The following PLCH1 variants were observed in gnomAD, a reference collection of about 807,000 sequenced individuals.
PLCH1 encodes 1-phosphatidylinositol 4,5-bisphosphate phosphodiesterase eta-1.
A neutral mutation model predicts 126.7 loss-of-function variants in PLCH1; 60 were observed. That is an observed-to-expected ratio of 0.47 (90% confidence interval 0.38 to 0.59). PLCH1 has a LOEUF of 0.59. Among genes scored for constraint, PLCH1 ranks in the 20% least tolerant of loss-of-function variants. The pLI is 0.00. For missense variants in PLCH1, 1,723 were observed against 2,040.0 expected (o/e 0.84, Z 2.99); for synonymous variants, 719 against 734.9 (o/e 0.98, Z 0.35).
At chr3:155,530,185 G>A (rs533975645) in intron 10 of PLCH1, among the ~76,000 whole-genome samples, 1 of 152,306 alleles carries the variant, frequency 6.6e-6, no homozygotes, top group South Asian at 2.1e-4. Flanking sequence ...CAAAATTGGA[G>A]TAAATGCTCT....
At chr3:155,575,807 C>A (rs1729864885) in intron 6 of PLCH1, among the ~76,000 whole-genome samples, 1 of 152,074 alleles carries the variant, frequency 6.6e-6, no homozygotes, top group African/African-American at 2.4e-5. Context: ...AGGGCAAGCA[C>A]CACCACACCC....
At chr3:155,477,361 C>G (rs1713587668), downstream of PLCH1, among the ~76,000 whole-genome samples, 1 of 151,936 alleles carries the variant, frequency 6.6e-6, no homozygotes, top group Non-Finnish European at 1.5e-5. Flanking sequence ...GAAATACCCA[C>G]AAGCACGGGC....
At chr3:155,539,983 A>G (rs923653064) in intron 10 of PLCH1, among the ~76,000 whole-genome samples, 2 of 151,792 alleles carry the variant, frequency 1.3e-5, no homozygotes, top group South Asian at 2.1e-4. Flanking sequence ...ACCTGACTTC[A>G]AAGTATAATA....
At chr3:155,741,712 GA>G (rs1392993130) in intron 1 of PLCH1, among the ~76,000 whole-genome samples, 3 of 67,598 alleles carry the variant, frequency 4.4e-5, no homozygotes, top group African/African-American at 3.5e-4. Context: ...TTTGTTCAGG[GA>G]AAAAATAGTT....
intron 2 of PLCH1, among the ~76,000 whole-genome samples, chr3:155,654,913 C>T (rs973630611): frequency 2.6e-5 from 4 of 152,182 alleles, no homozygotes; most frequent in Non-Finnish European, 5.9e-5. Flanking sequence ...TTCTCTGACT[C>T]ATCTTCTACC....
intron 10 of PLCH1, among the ~76,000 whole-genome samples, chr3:155,544,866 T>A (rs1195663784): frequency 6.6e-6 from 1 of 150,884 alleles, no homozygotes. Context: ...CATACCAGAA[T>A]CTCTGGGACA....
intron 2 of PLCH1, among the ~76,000 whole-genome samples, chr3:155,700,683 A>G (rs148082093): frequency 1.8e-3 from 281 of 152,374 alleles, no homozygotes; most frequent in African/African-American, 6.6e-3. Flanking sequence ...GCTTATGTGC[A>G]TAAGAAATTG....
intron 10 of PLCH1, among the ~76,000 whole-genome samples, chr3:155,530,444 G>A (rs991310333): frequency 1.3e-5 from 2 of 151,768 alleles, no homozygotes; most frequent in Admixed American, 6.6e-5. Context: ...AGCCTCCTGA[G>A]TAGCTGGGAC....
intron 1 of PLCH1, among the ~76,000 whole-genome samples, chr3:155,713,403 G>A (rs1173597178): frequency 6.6e-6 from 1 of 152,162 alleles, no homozygotes; most frequent in African/African-American, 2.4e-5. Context: ...GATGGTGGAT[G>A]GCTACTTTGA....
chr3:155,634,666 G>A (rs1246604684), intron 2 of PLCH1, among the ~76,000 whole-genome samples: 3 of 152,204 alleles, frequency 2.0e-5, no homozygotes, highest in Non-Finnish European at 4.4e-5. Context: ...CAGAACTGCT[G>A]CTTAAGTAAG....
At chr3:155,698,061 T>G (rs1289583927) in intron 2 of PLCH1, among the ~76,000 whole-genome samples, 1 of 151,988 alleles carries the variant, frequency 6.6e-6, no homozygotes, top group Admixed American at 6.6e-5. Context: ...CTTAATGAAT[T>G]TGAGATTAAA....
At chr3:155,686,193 A>C (rs1209546877) in intron 2 of PLCH1, among the ~76,000 whole-genome samples, 2 of 152,130 alleles carry the variant, frequency 1.3e-5, no homozygotes, top group African/African-American at 2.4e-5. Flanking sequence ...AACTGGATAA[A>C]AGTTAACATA....
At chr3:155,734,217 G>A (rs749110679) in intron 1 of PLCH1, among the ~76,000 whole-genome samples, 5 of 151,926 alleles carry the variant, frequency 3.3e-5, no homozygotes, top group African/African-American at 4.8e-5. Flanking sequence ...CCAAGACTTC[G>A]GGAGGCCAAG....
At chr3:155,721,559 T>C (rs1747947238) in intron 1 of PLCH1, among the ~76,000 whole-genome samples, 1 of 152,230 alleles carries the variant, frequency 6.6e-6, no homozygotes, top group Admixed American at 6.5e-5. Context: ...TACATTAATT[T>C]TGTATCCTGA....
chr3:155,504,424 A>C (rs1205534235), intron 13 of PLCH1, 131 bp downstream of exon 13: 5 of 561,362 alleles, frequency 8.9e-6, no homozygotes, highest in South Asian at 5.8e-5. Flanking sequence ...TTTAAATATC[A>C]ATCTTTTCCT....
chr3:155,719,200 T>C (rs1490450616), intron 1 of PLCH1, among the ~76,000 whole-genome samples: 2 of 152,146 alleles, frequency 1.3e-5, no homozygotes, highest in Non-Finnish European at 2.9e-5. Context: ...CCAAAGTCCA[T>C]AGTATCATTC....
At chr3:155,542,918 T>C (rs966047053) in intron 10 of PLCH1, among the ~76,000 whole-genome samples, 1 of 151,792 alleles carries the variant, frequency 6.6e-6, no homozygotes, top group Non-Finnish European at 1.5e-5. Context: ...CAAAAGTAGA[T>C]AAAACCACAA....
intron 1 of PLCH1, among the ~76,000 whole-genome samples, chr3:155,734,952 T>A (rs906426779): frequency 2.0e-5 from 3 of 152,136 alleles, no homozygotes; most frequent in Admixed American, 2.0e-4. Flanking sequence ...CTTGTGATCC[T>A]CCCGCCTTGG....
chr3:155,462,294 C>T (rs540548545), intron 21 of PLCH1, among the ~76,000 whole-genome samples: 1 of 152,226 alleles, frequency 6.6e-6, no homozygotes, highest in Admixed American at 6.5e-5. Flanking sequence ...TGTAAATGGG[C>T]ACCTGCAGCA....
Sources: gnomAD v4.1 joint callset for allele counts (sites outside exome capture counted in the v4.1 genomes callset) on GRCh38, gnomAD v4.1.1 for gene constraint, MANE v1.5 for transcripts, NCBI Gene and HGNC (gene_info 2026-07-23, HGNC 2026-07-21) for gene names.